The following ZNF804A variants were observed in gnomAD, a reference collection of about 807,000 sequenced individuals.
ZNF804A encodes the protein zinc finger protein 804A.
A neutral mutation model predicts 16.5 loss-of-function variants in ZNF804A; 2 were observed. The observed-to-expected ratio is 0.12, with a 90% confidence interval of 0.05 to 0.38. ZNF804A has a LOEUF of 0.38. Among genes scored for constraint, ZNF804A ranks in the 10% least tolerant of loss-of-function variants. The pLI is 0.99. For synonymous variants in ZNF804A, 534 were observed against 489.6 expected (o/e 1.09, Z -1.20); for missense variants, 1,473 against 1,390.7 (o/e 1.06, Z -0.94).
chr2:184,886,340 G>T (rs1684890329), intron 2 of ZNF804A, among the ~76,000 whole-genome samples: 1 of 152,218 alleles, frequency 6.6e-6, no homozygotes, highest in African/African-American at 2.4e-5. Flanking sequence ...GTTGGGTACA[G>T]CCTCCCTCCC....
intron 1 of ZNF804A, among the ~76,000 whole-genome samples, chr2:184,860,473 T>G (rs1695782282): frequency 6.6e-6 from 1 of 152,200 alleles, no homozygotes; most frequent in Non-Finnish European, 1.5e-5. Context: ...AGGCTGAGTT[T>G]TCAAGTGATG....
At chr2:184,765,965 A>G (rs1033234185) in intron 1 of ZNF804A, among the ~76,000 whole-genome samples, 1 of 152,040 alleles carries the variant, frequency 6.6e-6, no homozygotes, top group Non-Finnish European at 1.5e-5. Flanking sequence ...TCAATATAAC[A>G]CTTGCCGTCA....
chr2:184,661,683 G>A (rs557248130), intron 1 of ZNF804A, among the ~76,000 whole-genome samples: 3 of 152,234 alleles, frequency 2.0e-5, no homozygotes, highest in South Asian at 4.1e-4. Flanking sequence ...TCTCACTTTG[G>A]TCATGGACTC....
Position 184,848,226 on chromosome 2 carries a change from G to A in ZNF804A, c.112-18143G>A, listed in dbSNP as rs373311354. On this transcript the variant is annotated intron_variant, in intron 1 of 3. Coordinates refer to ENST00000302277, the MANE Select transcript of ZNF804A (RefSeq NM_194250.2). ...CAATCATCTCATTAGCATAAAAAAG[G>A]CACTAATCACTTGGGAGAATCCAAA... 7.6e-4 allele frequency among the ~76,000 whole-genome samples: 116 copies of A among 152,018 alleles called. 2 individuals carry two copies. In the South Asian group the frequency reaches 0.015, roughly 19 times the overall value.
intron 1 of ZNF804A, among the ~76,000 whole-genome samples, chr2:184,847,742 G>A (rs1291599485): frequency 1.3e-5 from 2 of 152,006 alleles, no homozygotes; most frequent in Non-Finnish European, 2.9e-5. Context: ...TCAGTCTCAA[G>A]TCCAGATCAC....
intron 2 of ZNF804A, among the ~76,000 whole-genome samples, chr2:184,872,144 A>G (rs1695984365): frequency 6.6e-6 from 1 of 152,154 alleles, no homozygotes; most frequent in Non-Finnish European, 1.5e-5. Flanking sequence ...ATTTCATAAA[A>G]TTTAGTAAAT....
chr2:184,820,349 CTT>C (rs1695055303), intron 1 of ZNF804A, among the ~76,000 whole-genome samples: 1 of 151,988 alleles, frequency 6.6e-6, no homozygotes. Context: ...CAGGAAATGC[CTT>C]TGATAAAATT....
intron 2 of ZNF804A, among the ~76,000 whole-genome samples, chr2:184,899,035 A>G (rs1275165039): frequency 6.6e-6 from 1 of 151,972 alleles, no homozygotes; most frequent in African/African-American, 2.4e-5. Context: ...ATTCATTAAA[A>G]TACTTATTCA....
At chr2:184,810,703 G>A (rs1694885832) in intron 1 of ZNF804A, among the ~76,000 whole-genome samples, 2 of 151,794 alleles carry the variant, frequency 1.3e-5, no homozygotes, top group African/African-American at 2.4e-5. Flanking sequence ...TTTTAGCCAG[G>A]ATGGTCTCGA....
At chr2:184,709,367 A>G (rs969349403) in intron 1 of ZNF804A, among the ~76,000 whole-genome samples, 5 of 152,098 alleles carry the variant, frequency 3.3e-5, no homozygotes, top group Non-Finnish European at 5.9e-5. Flanking sequence ...TTTGAATTGC[A>G]TTTATATACT....
intron 1 of ZNF804A, among the ~76,000 whole-genome samples, chr2:184,660,064 T>TC (rs1692144804): frequency 6.6e-6 from 1 of 152,196 alleles, no homozygotes; most frequent in South Asian, 2.1e-4. Context: ...TGAGCTATGA[T>TC]CTTGCCACTG....
chr2:184,634,544 G>T (rs898864104), intron 1 of ZNF804A, among the ~76,000 whole-genome samples: 1 of 152,108 alleles, frequency 6.6e-6, no homozygotes, highest in African/African-American at 2.4e-5. Flanking sequence ...AGAAGCAGAG[G>T]GGTGAGGAGG....
In ZNF804A at chr2:184,934,674, C is replaced by T. The variant is rs552675206; in HGVS notation, c.386+941C>T. 1.5e-4 allele frequency among the ~76,000 whole-genome samples: 23 copies of T among 152,134 alleles called. 1 individual carries two copies. The South Asian group carries it at 2.3e-3, about 15-fold the overall frequency. ...GAATCATGGAACCTATGTAACTTAACGCTCTACAAATAGCATTTGCAAATA... is the reference window on the plus strand; with the variant it reads ...GAATCATGGAACCTATGTAACTTAATGCTCTACAAATAGCATTTGCAAATA... On this transcript the variant is annotated intron_variant, in intron 3 of 3. Transcript: ENST00000302277.
At chr2:184,780,844 G>T (rs1249306889) in intron 1 of ZNF804A, among the ~76,000 whole-genome samples, 1 of 151,712 alleles carries the variant, frequency 6.6e-6, no homozygotes, top group Non-Finnish European at 1.5e-5. Context: ...TTCAATCATG[G>T]CTCTGTCCTT....
At chr2:184,742,834 C>T (rs1213447663) in intron 1 of ZNF804A, among the ~76,000 whole-genome samples, 11 of 151,574 alleles carry the variant, frequency 7.3e-5, no homozygotes, top group African/African-American at 1.7e-4. Flanking sequence ...TATATAGCTT[C>T]CAACTTCTAA....
intron 2 of ZNF804A, among the ~76,000 whole-genome samples, chr2:184,921,791 G>A (rs1685533279): frequency 6.6e-6 from 1 of 151,622 alleles, no homozygotes; most frequent in Non-Finnish European, 1.5e-5. Flanking sequence ...CACTTTCCAG[G>A]TTCTGGTAAC....
intron 1 of ZNF804A, among the ~76,000 whole-genome samples, chr2:184,663,402 G>A (rs1281465278): frequency 6.6e-6 from 1 of 152,234 alleles, no homozygotes; most frequent in East Asian, 1.9e-4. Flanking sequence ...CTAGACTTTG[G>A]GCACTGTGCA....
intron 1 of ZNF804A, among the ~76,000 whole-genome samples, chr2:184,675,022 G>A (rs1692398757): frequency 6.6e-6 from 1 of 151,694 alleles, no homozygotes; most frequent in African/African-American, 2.4e-5. Flanking sequence ...CCTTAGTTAT[G>A]TATATACGTA....
At chr2:184,802,057 T>C (rs1170318909) in intron 1 of ZNF804A, among the ~76,000 whole-genome samples, 6 of 152,224 alleles carry the variant, frequency 3.9e-5, no homozygotes, top group Non-Finnish European at 8.8e-5. Flanking sequence ...CTGAATATTG[T>C]AGCTCTTTAA....
Sources: gnomAD v4.1 joint callset for allele counts (sites outside exome capture counted in the v4.1 genomes callset) on GRCh38, gnomAD v4.1.1 for gene constraint, MANE v1.5 for transcripts, NCBI Gene and HGNC (gene_info 2026-07-23, HGNC 2026-07-21) for gene names.